CALR: variants seen among roughly 807,000 people sequenced by gnomAD.
CALR encodes calreticulin.
Under a neutral mutation model 51.1 loss-of-function variants are expected in CALR, and 15 were observed. The ratio of observed to expected loss-of-function variants is 0.29; its 90% confidence interval spans 0.20 to 0.45. The LOEUF is 0.45. Among genes scored for constraint, CALR ranks in the 20% least tolerant of loss-of-function variants. CALR has a pLI of 1.00. For synonymous variants in CALR, 239 were observed against 205.9 expected, an observed-to-expected ratio of 1.16 and a Z score of -1.38; for missense variants, 477 against 530.6, an observed-to-expected ratio of 0.90 and a Z score of 0.99.
chr19:12,938,790 C>G lies in CALR; in HGVS notation c.91+20C>G. On this transcript the variant is annotated intron_variant, in intron 1 of 8. Coordinates refer to ENST00000316448, the MANE Select transcript of CALR (RefSeq NM_004343.4). ...ACGGAGGTAACGCCTGGTCCCGCCT[C>G]GAGGCCGCCCCGACGACGCGGCCGG... is the stretch of plus-strand genomic sequence containing the variant. The G allele has an allele frequency of 6.4e-7, 1 of 1,572,766 alleles. No individual in the cohort carries two copies. Among genetic ancestry groups the G allele is most frequent in the South Asian group, 1.1e-5 (1 of 88,604 alleles).
At chr19:12,939,957 G>A (rs1297211397) in intron 3 of CALR, 96 bp from the exon 4 acceptor site, 3 of 899,520 alleles carry the variant, frequency 3.3e-6, no homozygotes, top group East Asian at 5.1e-5. Flanking sequence ...TGACAGACCC[G>A]AGTTGAAGAA....
intron 2 of CALR, 77 bp from the exon 3 acceptor site, chr19:12,939,351 G>T: frequency 6.7e-7 from 1 of 1,492,404 alleles, no homozygotes; most frequent in Non-Finnish European, 9.3e-7. Context: ...GGAAGTGGGG[G>T]AGTCTTCTCT....
rs746740154 is a variant in CALR at position 12,943,890 on chromosome 19, G to A, written c.1231G>A (p.Gly411Ser). 10 of 1,596,492 alleles carry A rather than the reference G, an allele frequency of 6.3e-6. No homozygotes were observed. Among genetic ancestry groups the A allele is most frequent in the South Asian group, 4.5e-5 (4 of 88,216 alleles). Residue 411 changes from glycine to serine, a missense_variant, in exon 9 of 9, where the codon GGC becomes AGC. Gly to Ser is a moderately conservative substitution (Grantham distance 56). Transcript: ENST00000316448. Reference sequence around the variant, plus strand: ...GGAAGATGAGGAGGAAGATGTCCCCGGCCAGGCCAAGGACGAGCTGTAGAG... The same window carrying A: ...GGAAGATGAGGAGGAAGATGTCCCCAGCCAGGCCAAGGACGAGCTGTAGAG... ...KEEDEEEDVP[G>S]QAKDEL
At chr19:12,939,976 TCCTTTTATAAA>T in intron 3 of CALR, 66 bp from the exon 4 acceptor site, 1 of 1,058,036 alleles carries the variant, frequency 9.5e-7, no homozygotes, top group Middle Eastern at 2.1e-4. Context: ...AACCAGGTCT[TCCTTTTATAAA>T]GAGGGGTGAG....
Position 12,940,459 on chromosome 19 carries a change from G to A in CALR, c.702+7G>A. ...CACAGACTCCAAGCCTGAGGTTGGT[G>A]TTTGGGCAGGGGCTCTGCTCTCCAC... On this transcript the variant is annotated splice_region_variant and intron_variant, in intron 5 of 8. Coordinates refer to ENST00000316448, the MANE Select transcript of CALR (RefSeq NM_004343.4). The A allele has an allele frequency of 1.9e-6, 3 of 1,614,160 alleles. No homozygotes were observed. The highest frequency in any genetic ancestry group is 2.5e-6 in the Non-Finnish European group (3 of 1,179,996).
Position 12,939,064 on chromosome 19 carries a change from T to C in CALR, c.92-70T>C, listed in dbSNP as rs563744660. 9 of 918,360 alleles carry C rather than the reference T, an allele frequency of 9.8e-6. No individual in the cohort carries two copies. The African/African-American group carries it at 1.5e-4, about 15-fold the overall frequency. The allele number at this position is 918,360 out of a possible 1,614,324, so 56.9% of individuals were successfully genotyped here. On this transcript the variant is annotated intron_variant, in intron 1 of 8. Coordinates refer to ENST00000316448, the MANE Select transcript of CALR (RefSeq NM_004343.4). ...TCCTGTCCCCAGCAGCTTGTGGCTC[T>C]CGGCAGATGTTTGGTGTGGGGGGGG...
chr19:12,942,593 CTTT>C (rs527758922), intron 7 of CALR, among the ~76,000 whole-genome samples: 7 of 133,374 alleles, frequency 5.2e-5, no homozygotes, highest in Non-Finnish European at 6.5e-5. Context: ...GTCTCTCCAT[CTTT>C]TTTTTTTTTT....
In CALR at chr19:12,939,513, G is replaced by C. The variant is rs1599659460; in HGVS notation, c.279G>C (p.Val93=). Residue 93 remains valine, a synonymous_variant, in exon 3 of 9, where the codon GTG becomes GTC. Coordinates refer to ENST00000316448, the MANE Select transcript of CALR (RefSeq NM_004343.4). ...PFSNKGQTLV[V]QFTVKHEQNI... ...GCAACAAAGGCCAGACGCTGGTGGT[G>C]CAGTTCACGGTGAAACATGAGCAGA... The C allele has an allele frequency of 6.2e-7, 1 of 1,613,490 alleles. No homozygotes were observed. The highest frequency in any genetic ancestry group is 1.3e-5 in the African/African-American group (1 of 75,040).
rs752013135 is a variant in CALR, at chr19:12,943,694, G to A, written c.1054-19G>A. On this transcript the variant is annotated intron_variant, in intron 8 of 8. Transcript: ENST00000316448. The stretch of plus-strand genomic sequence containing the variant: ...GGCTGGCAGGGGGCAAGGCCCTGAG[G>A]TGTGTGCTCTGCCTGCAGGCAGCAG... 25 of 1,614,182 alleles carry A rather than the reference G, an allele frequency of 1.5e-5. No homozygotes were observed. The South Asian group carries it at 2.6e-4, about 17-fold the overall frequency.
chr19:12,939,314 C>T (rs1971512142), intron 2 of CALR, 79 bp downstream of exon 2: 6 of 1,434,468 alleles, frequency 4.2e-6, no homozygotes, highest in South Asian at 1.2e-5. Context: ...ACAGCCGGGA[C>T]AGTCCCCTTG....
chr19:12,940,981 T>C, intron 7 of CALR, 94 bp downstream of exon 7: 3 of 1,238,456 alleles, frequency 2.4e-6, no homozygotes, highest in Non-Finnish European at 3.6e-6. Flanking sequence ...CCCAGGTGAG[T>C]CTGACTCAAA....
At position 12,939,411 on chromosome 19, in the gene CALR, C is replaced by T. The variant is rs201933478; in HGVS notation, c.194-17C>T. 1.9e-5 allele frequency: 31 copies of T among 1,611,934 alleles called. No individual in the cohort carries two copies. The East Asian group carries it at 6.7e-4, about 35-fold the overall frequency. On this transcript the variant is annotated splice_polypyrimidine_tract_variant and intron_variant, in intron 2 of 8. Transcript: ENST00000316448. Reference sequence around the variant, plus strand: ...GAGTCAAGGCCCAACGGTGACCTCACTACCGTCCCGTCTCAGGTTTGCAGA... The same window carrying T: ...GAGTCAAGGCCCAACGGTGACCTCATTACCGTCCCGTCTCAGGTTTGCAGA...
chr19:12,943,077 CTT>C (rs56396276), intron 7 of CALR: 63 of 77,358 alleles, frequency 8.1e-4, no homozygotes, highest in South Asian at 4.0e-3. Flanking sequence ...ATCTTTCCAT[CTT>C]TTTTTTTTTT....
intron 5 of CALR, 24 bp from the exon 6 acceptor site, chr19:12,940,517 C>T (rs779911705): frequency 1.9e-6 from 3 of 1,613,600 alleles, no homozygotes; most frequent in South Asian, 2.2e-5. Flanking sequence ...TGGGCCAACT[C>T]TGATCTCTTC....
chr19:12,939,138 G>C lies in CALR; in HGVS notation c.96G>C (p.Gly32=). ...CCCCTCTAATCCCCCACTTAGACGG[G>C]TGGACTTCCCGCTGGATCGAATCCA... ...YFKEQFLDGD[G]WTSRWIESKH... The change falls in exon 2 of 9, where the codon GGG becomes GGC. Residue 32 remains glycine, a synonymous_variant. Coordinates refer to ENST00000316448, the MANE Select transcript of CALR (RefSeq NM_004343.4). 1.9e-6 allele frequency: 3 copies of C among 1,602,134 alleles called. No individual in the cohort carries two copies. Among genetic ancestry groups the C allele is most frequent in the Non-Finnish European group, 2.6e-6 (3 of 1,173,206 alleles).
At chr19:12,943,407 C>T (rs1204558290) in intron 7 of CALR, 130 bp from the exon 8 acceptor site, 9 of 806,386 alleles carry the variant, frequency 1.1e-5, no homozygotes, top group Non-Finnish European at 1.7e-5. Context: ...GCAGTGTCAG[C>T]GGTGTTCCTT....
rs889138519 is a variant in CALR, at chr19:12,943,586, C to T, written c.1010C>T (p.Ala337Val). ...FDNFLITNDE[A>V]YAEEFGNETW... is the part of the protein sequence containing the mutation. ...AACTTCCTCATCACCAACGATGAGGCATACGCTGAGGAGTTTGGCAACGAG... is the reference window on the plus strand; with the variant it reads ...AACTTCCTCATCACCAACGATGAGGTATACGCTGAGGAGTTTGGCAACGAG... The change falls in exon 8 of 9, where the codon GCA (alanine) becomes GTA (valine). Residue 337 changes from alanine (A) to valine (V), a missense_variant. Coordinates refer to ENST00000316448, the MANE Select transcript of CALR (RefSeq NM_004343.4). The T allele has an allele frequency of 9.3e-6, 15 of 1,614,172 alleles. No individual in the cohort carries two copies. The highest frequency in any genetic ancestry group is 1.3e-5 in the African/African-American group (1 of 75,026).
rs143370494 is a variant in CALR at position 12,940,344 on chromosome 19, C to T, written c.594C>T (p.Asp198=). ...AGGTGGAGTCCGGCTCCTTGGAAGA[C>T]GATTGGGACTTCCTGCCACCCAAGA... ...NSQVESGSLE[D]DWDFLPPKKI... The change falls in exon 5 of 9, where the codon GAC becomes GAT. Residue 198 remains aspartate, a synonymous_variant. Transcript: ENST00000316448. 61 of 1,614,026 alleles carry T rather than the reference C, an allele frequency of 3.8e-5. No homozygotes were observed. The highest frequency in any genetic ancestry group is 4.7e-5 in the Non-Finnish European group (56 of 1,180,032).
intron 7 of CALR, 64 bp downstream of exon 7, chr19:12,940,951 G>A (rs1294424174): frequency 6.5e-7 from 1 of 1,539,696 alleles, no homozygotes; most frequent in Non-Finnish European, 9.0e-7. Flanking sequence ...CACCCAAGAG[G>A]AAAGGGACAG....
Sources: gnomAD v4.1 joint callset for allele counts (sites outside exome capture counted in the v4.1 genomes callset) on GRCh38, gnomAD v4.1.1 for gene constraint, MANE v1.5 for transcripts, NCBI Gene and HGNC (gene_info 2026-07-23, HGNC 2026-07-21) for gene names.